DHDH: variants seen among roughly 807,000 people sequenced by gnomAD.
The protein encoded by DHDH is dihydrodiol dehydrogenase, also known as trans-1,2-dihydrobenzene-1,2-diol dehydrogenase.
A neutral mutation model predicts 33.2 loss-of-function variants in DHDH; 29 were observed. The observed-to-expected ratio is 0.87, with a 90% confidence interval of 0.65 to 1.19. DHDH has a LOEUF of 1.19. DHDH is among the 50% of genes most tolerant of loss of function. The pLI is 0.00. For synonymous variants in DHDH, 201 were observed against 187.9 expected (o/e 1.07, Z -0.57); for missense variants, 431 against 455.0 (o/e 0.95, Z 0.48).
chr19:48,938,376 C>G (rs570888972), intron 3 of DHDH, among the ~76,000 whole-genome samples: 7 of 152,228 alleles, frequency 4.6e-5, no homozygotes, highest in African/African-American at 1.7e-4. Context: ...GGGTTACAGG[C>G]ATGAGCCACA....
At position 48,935,074 on chromosome 19, in the gene DHDH, C is replaced by G; in HGVS notation, c.165C>G (p.Tyr55Ter). ...FAQKHDIPKA[Y>*]GSYEELAKDP... ...AGAAACACGACATCCCCAAGGCCTA[C>G]GGCTCCTATGAGGAGCTGGCCAAGG... Residue 55 changes from tyrosine to a stop codon, truncating the protein, a stop_gained, in exon 2 of 7, where the codon TAC becomes TAG. Coordinates refer to ENST00000221403, the MANE Select transcript of DHDH (RefSeq NM_014475.4). LOFTEE classifies it high-confidence loss of function. The G allele has an allele frequency of 6.3e-7, 1 of 1,589,248 alleles. No homozygotes were observed. Among genetic ancestry groups the G allele is most frequent in the African/African-American group, 1.3e-5 (1 of 74,554 alleles).
rs5828370 is a variant in DHDH, at chr19:48,943,055, C to CAA, written c.744+501_744+502dup. Reference sequence around the variant, plus strand: ...GGGTGATAAGAGCAAAACTCCATCTCAAAAAAAAAAATATATATATATATA... The same window carrying CAA: ...GGGTGATAAGAGCAAAACTCCATCTCAAAAAAAAAAAAATATATATATATATA... On this transcript the variant is annotated intron_variant, in intron 5 of 6. Transcript: ENST00000221403. Among the ~76,000 whole-genome samples, 1,278 of 140,792 alleles carry CAA rather than the reference C, an allele frequency of 9.1e-3. 14 individuals are homozygous for CAA. The highest frequency in any genetic ancestry group is 0.029 in the African/African-American group (1,092 of 37,280). 92.4% of individuals were successfully genotyped at this position (140,792 alleles called of 152,430 possible). A position where few individuals can be genotyped will look rare whatever the true frequency, so the allele number is the denominator to read the frequency against.
intron 2 of DHDH, among the ~76,000 whole-genome samples, chr19:48,935,322 C>T (rs571841689): frequency 2.6e-5 from 4 of 152,134 alleles, no homozygotes; most frequent in South Asian, 4.1e-4. Flanking sequence ...AGACCAGCCT[C>T]GGCAACGTAG....
chr19:48,944,187 T>C (rs1362877193), intron 5 of DHDH, among the ~76,000 whole-genome samples, 170 bp from the exon 6 acceptor site: 1 of 152,046 alleles, frequency 6.6e-6, no homozygotes, highest in Non-Finnish European at 1.5e-5. Context: ...AACAAACTTC[T>C]AGCAACTAGA....
intron 3 of DHDH, among the ~76,000 whole-genome samples, chr19:48,936,718 A>C (rs1195069300): frequency 5.9e-5 from 9 of 151,316 alleles, no homozygotes; most frequent in Non-Finnish European, 8.9e-5. Flanking sequence ...AAACAAACAA[A>C]AAAAAAAACA....
chr19:48,939,485 C>G lies in DHDH; in HGVS notation c.403C>G (p.Leu135Val). The change falls in exon 4 of 7, where the codon CTG (leucine) becomes GTG (valine). Residue 135 changes from leucine (L) to valine (V), a missense_variant. Transcript: ENST00000221403. The part of the protein sequence containing the change: ...WTRFFPASEA[L>V]RSVLAQGTLG... ...CCGCTTCTTTCCTGCCTCCGAGGCT[C>G]TGAGGTCTGTTTTGGCCCAGGGAAC... The G allele has an allele frequency of 6.2e-7, 1 of 1,613,884 alleles. No homozygotes were observed. Among genetic ancestry groups the G allele is most frequent in the Non-Finnish European group, 8.5e-7 (1 of 1,179,818 alleles).
At chr19:48,934,382 C>A (rs183696107) in intron 1 of DHDH, among the ~76,000 whole-genome samples, 13 of 152,274 alleles carry the variant, frequency 8.5e-5, no homozygotes, top group African/African-American at 2.6e-4. Flanking sequence ...CCTAGCCCGA[C>A]ACCAGTAAAG....
Position 48,933,826 on chromosome 19 carries a change from C to G in DHDH, c.90+15C>G. ...CTGAGCACCAGGTCTGCCCGCCCTC[C>G]GGATTCTGGGGAAGAGGAGGCGGGG... is the stretch of plus-strand genomic sequence containing the variant. On this transcript the variant is annotated intron_variant, in intron 1 of 6. Transcript: ENST00000221403. The G allele has an allele frequency of 6.2e-7, 1 of 1,605,752 alleles. No individual in the cohort carries two copies. Among genetic ancestry groups the G allele is most frequent in the South Asian group, 1.1e-5 (1 of 90,998 alleles).
Position 48,935,027 on chromosome 19 carries a change from A to G in DHDH, c.118A>G (p.Ser40Gly). Residue 40 changes from serine (S) to glycine (G), a missense_variant, in exon 2 of 7, where the codon AGC (serine) becomes GGC (glycine). Physicochemically the swap from Ser to Gly is moderately conservative, Grantham distance 56. Coordinates refer to ENST00000221403, the MANE Select transcript of DHDH (RefSeq NM_014475.4). ...GGTGGCGGTGGCGGCCCGCGATCTGAGCCGTGCGAAGGAGTTTGCACAGAA... is the reference window on the plus strand; with the variant it reads ...GGTGGCGGTGGCGGCCCGCGATCTGGGCCGTGCGAAGGAGTTTGCACAGAA... Reference protein sequence around the residue: ...QVVAVAARDLSRAKEFAQKHD... With the variant: ...QVVAVAARDLGRAKEFAQKHD... 6.3e-7 allele frequency: 1 copy of G among 1,580,528 alleles called. No individual in the cohort carries two copies. The highest frequency in any genetic ancestry group is 8.6e-7 in the Non-Finnish European group (1 of 1,165,678).
intron 1 of DHDH, 42 bp from the exon 2 acceptor site, chr19:48,934,958 G>T (rs1330833127): frequency 3.4e-6 from 5 of 1,458,274 alleles, no homozygotes; most frequent in Non-Finnish European, 4.6e-6. Context: ...CAGTTTCCAC[G>T]CCTGCCTCAG....
intron 4 of DHDH, 144 bp from the exon 5 acceptor site, chr19:48,942,296 G>A (rs117387587): frequency 4.4e-5 from 42 of 953,494 alleles, no homozygotes; most frequent in South Asian, 9.8e-5. Flanking sequence ...GAGCCACCGC[G>A]ACCAGCCAGC....
chr19:48,943,830 A>G (rs548555099), intron 5 of DHDH, among the ~76,000 whole-genome samples: 1 of 142,584 alleles, frequency 7.0e-6, no homozygotes. Context: ...CCGTCTCACA[A>G]AAAAAAAAAA....
chr19:48,941,056 T>G (rs1050921475), intron 4 of DHDH, among the ~76,000 whole-genome samples: 6 of 152,110 alleles, frequency 3.9e-5, no homozygotes, highest in Non-Finnish European at 8.8e-5. Flanking sequence ...TGTGATTCTG[T>G]GCATTGGCAA....
In DHDH at chr19:48,939,689, C is replaced by T. The variant is rs146573291; in HGVS notation, c.607C>T (p.Arg203Cys). ...AGAGAAGATTTCTGTCGTGGGAAGGCGTCATGAAACAGGTACCATCTATCC... is the reference window on the plus strand; with the variant it reads ...AGAGAAGATTTCTGTCGTGGGAAGGTGTCATGAAACAGGTACCATCTATCC... ...KPEKISVVGRRHETGVDDTVT... is the reference protein window; with the variant it reads ...KPEKISVVGRCHETGVDDTVT... The change falls in exon 4 of 7, where the codon CGT becomes TGT. Residue 203 changes from arginine (R) to cysteine (C), a missense_variant. Physicochemically the swap from Arg to Cys is radical, Grantham distance 180. Transcript: ENST00000221403. The T allele has an allele frequency of 8.8e-6, 14 of 1,599,694 alleles. No individual in the cohort carries two copies. Among genetic ancestry groups the T allele is most frequent in the African/African-American group, 5.4e-5 (4 of 74,712 alleles).
rs557361963 is a variant in DHDH, at chr19:48,937,496, C to A, written c.366+1301C>A. ...TTCAAGACCAGCCTGGCCAACATGG[C>A]GAAACTCCGTCTCTACTAAAAAAGT... On this transcript the variant is annotated intron_variant, in intron 3 of 6. Transcript: ENST00000221403. Among the ~76,000 whole-genome samples, 5 of 151,834 alleles carry A rather than the reference C, an allele frequency of 3.3e-5. 1 individual carries two copies. In the South Asian group the frequency reaches 1.0e-3, roughly 32 times the overall value.
intron 4 of DHDH, 45 bp downstream of exon 4, chr19:48,939,746 GTC>G (rs1190713727): frequency 6.5e-7 from 1 of 1,542,128 alleles, no homozygotes; most frequent in Non-Finnish European, 8.7e-7. Flanking sequence ...GAATGATTCT[GTC>G]TCTCTGGGAG....
chr19:48,944,902 T>A lies in DHDH; in HGVS notation c.974T>A (p.Ile325Asn). 1 of 1,614,076 alleles carries A rather than the reference T, an allele frequency of 6.2e-7. No homozygotes were observed. Among genetic ancestry groups the A allele is most frequent in the Non-Finnish European group, 8.5e-7 (1 of 1,180,024 alleles). Residue 325 changes from isoleucine to asparagine, a missense_variant, in exon 7 of 7, where the codon ATT becomes AAT. Transcript: ENST00000221403. ...ADILEEVRKAIGVTFPQDKR is the reference protein window; with the variant it reads ...ADILEEVRKANGVTFPQDKR ...ATCCTTGAAGAGGTGAGGAAGGCCA[T>A]TGGAGTCACCTTCCCCCAAGACAAA...
At chr19:48,934,386 A>C (rs1239800973) in intron 1 of DHDH, among the ~76,000 whole-genome samples, 1 of 152,144 alleles carries the variant, frequency 6.6e-6, no homozygotes, top group Non-Finnish European at 1.5e-5. Flanking sequence ...GCCCGACACC[A>C]GTAAAGGGTC....
At chr19:48,944,577 G>C in intron 6 of DHDH, 70 bp downstream of exon 6, 1 of 1,536,694 alleles carries the variant, frequency 6.5e-7, no homozygotes, top group Non-Finnish European at 8.8e-7. Context: ...CACCTGCTCT[G>C]TCACCCTGCT....
Sources: allele counts gnomAD v4.1 joint callset (sites outside exome capture counted in the v4.1 genomes callset), GRCh38; gene constraint gnomAD v4.1.1; transcripts MANE v1.5; gene names NCBI Gene and HGNC (gene_info 2026-07-23, HGNC 2026-07-21).